The following RRP12 variants were observed in gnomAD, a reference collection of about 807,000 sequenced individuals.
RRP12 encodes the protein ribosomal RNA processing 12 homolog.
Under a neutral mutation model 157.3 loss-of-function variants are expected in RRP12, and 78 were observed. The observed-to-expected ratio is 0.50, with a 90% CI of 0.41 to 0.60. The LOEUF (loss-of-function observed/expected upper bound fraction) is 0.60. Ranked by LOEUF, RRP12 falls within the 20% of genes least tolerant of loss-of-function variation. The probability of loss-of-function intolerance (pLI) is 0.00; values close to 1 mark genes in which losing one functional copy is unlikely to be tolerated. For missense variants in RRP12, 1,521 were observed against 1,679.9 expected (o/e 0.91, Z 1.65); for synonymous variants, 726 against 670.9 (o/e 1.08, Z -1.27).
In RRP12 at chr10:97,396,767, T is replaced by C. The variant is rs189014929; in HGVS notation, c.370-466A>G. Among the ~76,000 whole-genome samples the C allele has an allele frequency of 1.2e-4, 18 of 152,250 alleles. No homozygotes were observed. The East Asian group carries it at 2.3e-3, about 20-fold the overall frequency. On this transcript the variant is annotated intron_variant, in intron 2 of 33. Transcript: ENST00000370992. ...TATAACCTATATACATCTTCCCATA[T>C]ACTTTATTTATTTTTTTTGAGATAG... is the stretch of plus-strand genomic sequence containing the variant.
At chr10:97,367,208 G>A in intron 25 of RRP12, 76 bp from the exon 26 acceptor site, 1 of 1,286,068 alleles carries the variant, frequency 7.8e-7, no homozygotes, top group Non-Finnish European at 1.1e-6. Flanking sequence ...TCCAGCCCAG[G>A]GACGCAGCAT....
At chr10:97,363,944 T>G in intron 29 of RRP12, 41 bp from the exon 30 acceptor site, 2 of 1,591,376 alleles carry the variant, frequency 1.3e-6, no homozygotes, top group Non-Finnish European at 1.7e-6. Flanking sequence ...CTGTGGGAGC[T>G]CCTCAAAACC....
At chr10:97,369,621 A>C (rs1844086648) in intron 24 of RRP12, 39 bp from the exon 25 acceptor site, 6 of 1,540,784 alleles carry the variant, frequency 3.9e-6, no homozygotes, top group Non-Finnish European at 5.3e-6. Context: ...GACACCCAGG[A>C]CCCCACTCAG....
At chr10:97,373,806 C>A (rs375836912) in intron 16 of RRP12, 24 bp downstream of exon 16, 4 of 1,613,622 alleles carry the variant, frequency 2.5e-6, no homozygotes, top group South Asian at 2.2e-5. Context: ...CTTCTCCCCA[C>A]GCCCTCCCCC....
chr10:97,387,963 AAAAAAT>A, intron 8 of RRP12: 1 of 215,372 alleles, frequency 4.6e-6, no homozygotes, highest in Non-Finnish European at 8.8e-6. Context: ...AAAAAAAAAA[AAAAAAT>A]TGGTATAGGG....
chr10:97,390,167 G>A (rs1342812756), intron 6 of RRP12, among the ~76,000 whole-genome samples: 2 of 152,174 alleles, frequency 1.3e-5, no homozygotes, highest in African/African-American at 4.8e-5. Context: ...TAGACATATG[G>A]GGAGAGTCCA....
At chr10:97,370,331 G>T in intron 23 of RRP12, 57 bp from the exon 24 acceptor site, 1 of 1,409,690 alleles carries the variant, frequency 7.1e-7, no homozygotes, top group Non-Finnish European at 9.8e-7. Context: ...TAGGGGGGCT[G>T]AGGGCCAGAG....
intron 15 of RRP12, among the ~76,000 whole-genome samples, 193 bp downstream of exon 15, chr10:97,379,100 C>A (rs1236803359): frequency 6.6e-6 from 1 of 152,198 alleles, no homozygotes; most frequent in Non-Finnish European, 1.5e-5. Flanking sequence ...GGAGGGCCAC[C>A]TGGCCTCGCC....
At chr10:97,391,461 C>T (rs1322658995) in intron 4 of RRP12, among the ~76,000 whole-genome samples, 1 of 152,116 alleles carries the variant, frequency 6.6e-6, no homozygotes, top group African/African-American at 2.4e-5. Context: ...ATCCCAGCTA[C>T]TTGGGAGGCC....
chr10:97,372,905 C>A, intron 18 of RRP12, 102 bp from the exon 19 acceptor site: 1 of 1,440,512 alleles, frequency 6.9e-7, no homozygotes, highest in Non-Finnish European at 9.5e-7. Flanking sequence ...CAGCCCCCAG[C>A]CCTGCCCAAG....
At position 97,379,405 on chromosome 10, in the gene RRP12, CAG is replaced by C; in HGVS notation, c.1684_1685del (p.Leu562GlyfsTer32). 1 of 1,614,010 alleles carries C rather than the reference CAG, an allele frequency of 6.2e-7. No individual in the cohort carries two copies. The highest frequency in any genetic ancestry group is 8.5e-7 in the Non-Finnish European group (1 of 1,180,006). On this transcript the variant is annotated frameshift_variant, in exon 15 of 34. Transcript: ENST00000370992. LOFTEE classifies it high-confidence loss of function. Reference sequence around the variant, plus strand: ...GCAGCAGCCAGCTCCGTGGGAAATCCAGAGTCTCCCTGGGAAGAGAATGGGAA... The same window carrying C: ...GCAGCAGCCAGCTCCGTGGGAAATCCAGTCTCCCTGGGAAGAGAATGGGAA... ...PLEIDGSEET[L>X]DFPRSWLLPV... is the part of the protein sequence containing the mutation.
intron 17 of RRP12, 47 bp downstream of exon 17, chr10:97,373,507 AAGCCAGGGGATGGGGCCAGGG>A: frequency 6.8e-7 from 1 of 1,476,070 alleles, no homozygotes; most frequent in Non-Finnish European, 9.1e-7. Flanking sequence ...GGAGTGTAGC[AAGCCAGGGGATGGGGCCAGGG>A]ACCTGTGTCA....
At chr10:97,358,839 C>T in intron 32 of RRP12, 104 bp downstream of exon 32, 1 of 980,320 alleles carries the variant, frequency 1.0e-6, no homozygotes, top group South Asian at 1.4e-5. Flanking sequence ...CAGTTGAGTT[C>T]CAGGAAGGTG....
rs541122006 is a variant in RRP12, at chr10:97,399,245, C to T, written c.369+1060G>A. Among the ~76,000 whole-genome samples the T allele has an allele frequency of 5.9e-5, 9 of 152,212 alleles. No homozygotes were observed. The East Asian group carries it at 1.7e-3, about 29-fold the overall frequency. On this transcript the variant is annotated intron_variant, in intron 2 of 33. Coordinates refer to ENST00000370992, the MANE Select transcript of RRP12 (RefSeq NM_015179.4). ...CCGAGATCGTGCCATTGCACTCTAG[C>T]CTGGACAACAAGAGCGAAACTCCGG...
Position 97,373,845 on chromosome 10 carries a change from G to A in RRP12, c.1848C>T (p.Asp616=). The change falls in exon 16 of 34, where the codon GAC becomes GAT. Residue 616 remains aspartate (D), a synonymous_variant. Transcript: ENST00000370992. The part of the protein sequence containing the change: ...AGSTVESKIY[D]TLQWQMWTLL... ...TGACCCTTACCTGCCACTGGAGTGTGTCGTAGATCTTAGATTCCACTGTGC... is the reference window on the plus strand; with the variant it reads ...TGACCCTTACCTGCCACTGGAGTGTATCGTAGATCTTAGATTCCACTGTGC... The A allele has an allele frequency of 1.2e-6, 2 of 1,613,872 alleles. No homozygotes were observed. The highest frequency in any genetic ancestry group is 1.7e-6 in the Non-Finnish European group (2 of 1,179,928).
Position 97,366,230 on chromosome 10 carries a change from G to C in RRP12, c.3395C>G (p.Thr1132Arg). The C allele has an allele frequency of 1.9e-6, 3 of 1,611,490 alleles. No homozygotes were observed. Among genetic ancestry groups the C allele is most frequent in the Non-Finnish European group, 2.5e-6 (3 of 1,179,954 alleles). The part of the protein sequence containing the change: ...DPKVAQRVLA[T>R]QPGPGRGRKK... Reference sequence around the variant, plus strand: ...CCTGCCCCGGCCTGGCCCTGGCTGCGTGGCTGGGGTGTAGAGTTTGGCATG... The same window carrying C: ...CCTGCCCCGGCCTGGCCCTGGCTGCCTGGCTGGGGTGTAGAGTTTGGCATG... Residue 1132 changes from threonine (T) to arginine (R), a missense_variant, in exon 29 of 34, where the codon ACG (threonine) becomes AGG (arginine). Coordinates refer to ENST00000370992, the MANE Select transcript of RRP12 (RefSeq NM_015179.4).
In RRP12 at chr10:97,388,311, C is replaced by G. The variant is rs779680155; in HGVS notation, c.958G>C (p.Glu320Gln). 6 of 1,614,076 alleles carry G rather than the reference C, an allele frequency of 3.7e-6. No homozygotes were observed. Among genetic ancestry groups the G allele is most frequent in the Middle Eastern group, 1.6e-4 (1 of 6,062 alleles). Residue 320 changes from glutamate to glutamine, a missense_variant, in exon 8 of 34, where the codon GAA (glutamate) becomes CAA (glutamine). Coordinates refer to ENST00000370992, the MANE Select transcript of RRP12 (RefSeq NM_015179.4). ...TCACTGCAGCTCTTCACCAGGCCTT[C>G]CGGGAAGCAGGGCAGCAGGTCCTTC... ...LLKDLLPCFP[E>Q]GLVKSCSETL...
chr10:97,396,561 G>T (rs1451520109), intron 2 of RRP12, among the ~76,000 whole-genome samples: 3 of 152,138 alleles, frequency 2.0e-5, no homozygotes, highest in Non-Finnish European at 4.4e-5. Flanking sequence ...TTATGTACAA[G>T]GATGTTCATG....
chr10:97,375,329 C>G (rs1034965008), intron 15 of RRP12, among the ~76,000 whole-genome samples: 24 of 151,754 alleles, frequency 1.6e-4, no homozygotes, highest in Non-Finnish European at 3.1e-4. Flanking sequence ...TTCTTGAACT[C>G]TTGGCCTCAC....
Sources: gnomAD v4.1 joint callset for allele counts (sites outside exome capture counted in the v4.1 genomes callset) on GRCh38, gnomAD v4.1.1 for gene constraint, MANE v1.5 for transcripts, NCBI Gene and HGNC (gene_info 2026-07-23, HGNC 2026-07-21) for gene names.